Variants in FGF5 observed in about 807,000 individuals in gnomAD.
The protein encoded by FGF5 is fibroblast growth factor 5.
Under a neutral mutation model 21.8 loss-of-function variants are expected in FGF5, and 23 were observed. That is an observed-to-expected ratio of 1.05 (90% CI 0.76 to 1.49). FGF5 has a LOEUF of 1.49. FGF5 is among the 40% of genes most tolerant of loss of function. The probability of loss-of-function intolerance (pLI) is 0.00; values close to 1 mark genes in which losing one functional copy is unlikely to be tolerated. For synonymous variants in FGF5, 158 were observed against 124.0 expected (o/e 1.27, Z -1.82); for missense variants, 352 against 332.9 (o/e 1.06, Z -0.45).
intron 2 of FGF5, among the ~76,000 whole-genome samples, chr4:80,276,980 T>C (rs1720431430): frequency 6.6e-6 from 1 of 152,060 alleles, no homozygotes; most frequent in Non-Finnish European, 1.5e-5. Context: ...ATTTATGCCA[T>C]AGTACATGCA....
chr4:80,275,161 G>A (rs1720377000), intron 2 of FGF5, 149 bp downstream of exon 2: 6 of 445,188 alleles, frequency 1.3e-5, no homozygotes, highest in Non-Finnish European at 2.4e-5. Flanking sequence ...AGATAATTTT[G>A]TGCGCTTCCA....
chr4:80,285,876 A>G, intron 2 of FGF5, among the ~76,000 whole-genome samples: 1 of 152,208 alleles, frequency 6.6e-6, no homozygotes, highest in East Asian at 1.9e-4. Context: ...CAAAGGAATA[A>G]TTTTGACCTC....
rs544436296 is a variant in FGF5, at chr4:80,276,618, A to G, written c.459+1606A>G. 2.6e-5 allele frequency among the ~76,000 whole-genome samples: 4 copies of G among 152,036 alleles called. No homozygotes were observed. The South Asian group carries it at 8.3e-4, about 32-fold the overall frequency. ...CACCCCAGTAGTGTACACCGTACCC[A>G]ATGTGTTGTCTTTTACCCCCAGCCC... is the stretch of plus-strand genomic sequence containing the variant. On this transcript the variant is annotated intron_variant, in intron 2 of 2. Coordinates refer to ENST00000312465, the MANE Select transcript of FGF5 (RefSeq NM_004464.4).
intron 1 of FGF5, among the ~76,000 whole-genome samples, chr4:80,271,734 C>T (rs1714480781): frequency 6.6e-6 from 1 of 152,090 alleles, no homozygotes; most frequent in African/African-American, 2.4e-5. Flanking sequence ...AGAAATACTG[C>T]CTTGGCATCC....
chr4:80,279,909 T>C (rs1006519363), intron 2 of FGF5, among the ~76,000 whole-genome samples: 1 of 152,200 alleles, frequency 6.6e-6, no homozygotes, highest in African/African-American at 2.4e-5. Flanking sequence ...GCTTGATCAG[T>C]CCTAAGCAAG....
chr4:80,288,757 C>G lies in FGF5; in HGVS notation c.*2085C>G, dbSNP rs1367617280. ...AATGATGGTCAACAATAAGCCACGT[C>G]AATGCATAAGTTGTATAGGCTAAAT... On this transcript the variant is annotated 3_prime_UTR_variant, in exon 3 of 3. Transcript: ENST00000312465. 1 of 152,504 alleles carries G rather than the reference C, an allele frequency of 6.6e-6. No individual in the cohort carries two copies. The highest frequency in any genetic ancestry group is 1.9e-4 in the East Asian group (1 of 5,190). 9.4% of individuals were successfully genotyped at this position (152,504 alleles called of 1,614,324 possible). A position where few individuals can be genotyped will look rare whatever the true frequency, so the allele number is the denominator to read the frequency against.
chr4:80,270,229 G>C (rs1436675419), intron 1 of FGF5, among the ~76,000 whole-genome samples: 4 of 152,186 alleles, frequency 2.6e-5, no homozygotes, highest in Non-Finnish European at 5.9e-5. Context: ...TTACAACCCT[G>C]ATACTTCAGA....
Position 80,269,788 on chromosome 4 carries a change from G to GC in FGF5, c.355+2609_355+2610insC, listed in dbSNP as rs760495311. ...TTTTGTGTTGTTTGTCTTCCATAGA[G>GC]TTTTTTTTTTTTTCCCCAGAAGAAA... is the stretch of plus-strand genomic sequence containing the variant. On this transcript the variant is annotated intron_variant, in intron 1 of 2. Transcript: ENST00000312465. Among the ~76,000 whole-genome samples the GC allele has an allele frequency of 4.1e-5, 6 of 144,852 alleles. No individual in the cohort carries two copies. The East Asian group carries it at 1.2e-3, about 29-fold the overall frequency.
rs569833462 is a variant in FGF5, at chr4:80,285,744, TAA to T, written c.460-579_460-578del. On this transcript the variant is annotated intron_variant, in intron 2 of 2. Transcript: ENST00000312465. ...GATATACTTTCCTGTAATGCCTGAG[TAA>T]AGATACGTTATTTTTTTCTAAAGAA... Among the ~76,000 whole-genome samples, 882 of 152,286 alleles carry T rather than the reference TAA, an allele frequency of 5.8e-3. 9 individuals are homozygous for T. The highest frequency in any genetic ancestry group is 0.014 in the Middle Eastern group (4 of 294).
Position 80,266,833 on chromosome 4 carries a change from G to A in FGF5, c.9G>A (p.Leu3=), listed in dbSNP as rs1053933833. 17 of 1,589,174 alleles carry A rather than the reference G, an allele frequency of 1.1e-5. No homozygotes were observed. The highest frequency in any genetic ancestry group is 1.8e-5 in the Admixed American group (1 of 56,820). MS[L]SFLLLLFFSH... ...CCCCCGCGGCTGGAAGAATGAGCTT[G>A]TCCTTCCTCCTCCTCCTCTTCTTCA... is the stretch of plus-strand genomic sequence containing the variant. The change falls in exon 1 of 3, where the codon TTG becomes TTA. Residue 3 remains leucine (L), a synonymous_variant. Transcript: ENST00000312465.
At position 80,268,583 on chromosome 4, in the gene FGF5, T is replaced by C. The variant is rs928558822; in HGVS notation, c.355+1404T>C. The C allele has an allele frequency of 4.2e-6, 4 of 946,406 alleles. No homozygotes were observed. In the African/African-American group the frequency reaches 5.3e-5, roughly 13 times the overall value. The allele number at this position is 946,406 out of a possible 1,614,324, so 58.6% of individuals were successfully genotyped here. ...CGCGCAAGTGGGTAAGGCGGTAGGC[T>C]GGCTAGCCTCCTCCGGTGGGTTAAG... On this transcript the variant is annotated intron_variant, in intron 1 of 2. Transcript: ENST00000312465.
chr4:80,278,094 T>C (rs927457603), intron 2 of FGF5, among the ~76,000 whole-genome samples: 1 of 152,162 alleles, frequency 6.6e-6, no homozygotes, highest in Non-Finnish European at 1.5e-5. Flanking sequence ...AATGCTATAG[T>C]GCTTGGTAGA....
chr4:80,288,156 T>C lies in FGF5; in HGVS notation c.*1484T>C, dbSNP rs961735051. 6.6e-6 allele frequency: 1 copy of C among 152,184 alleles called. No individual in the cohort carries two copies. The highest frequency in any genetic ancestry group is 1.5e-5 in the Non-Finnish European group (1 of 68,010). 9.4% of individuals were successfully genotyped at this position (152,184 alleles called of 1,614,324 possible). ...AACAAAAGGGTTCATAGAAACTTCA[T>C]GGTTTGCATTTAAACATGTTTAAAG... On this transcript the variant is annotated 3_prime_UTR_variant, in exon 3 of 3. Coordinates refer to ENST00000312465, the MANE Select transcript of FGF5 (RefSeq NM_004464.4).
intron 2 of FGF5, among the ~76,000 whole-genome samples, chr4:80,281,365 G>A (rs1366614429): frequency 6.6e-6 from 1 of 152,060 alleles, no homozygotes; most frequent in African/African-American, 2.4e-5. Context: ...GCAAAATTTG[G>A]TCTATAGTTG....
At chr4:80,273,477 A>T (rs2109920209) in intron 1 of FGF5, among the ~76,000 whole-genome samples, 1 of 152,300 alleles carries the variant, frequency 6.6e-6, no homozygotes, top group Admixed American at 6.5e-5. Flanking sequence ...AGTTACTCAC[A>T]TATATTTATA....
chr4:80,289,695 G>A lies in FGF5; in HGVS notation c.*3023G>A, dbSNP rs1042615447. 35 of 152,046 alleles carry A rather than the reference G, an allele frequency of 2.3e-4. No individual in the cohort carries two copies. The highest frequency in any genetic ancestry group is 7.5e-4 in the African/African-American group (31 of 41,402). 9.4% of individuals were successfully genotyped at this position (152,046 alleles called of 1,614,324 possible). Reference sequence around the variant, plus strand: ...TAACACTGTGATTTATCTTTCAAGAGTCTCTCTTCACTTCCTTCTAAAGAG... The same window carrying A: ...TAACACTGTGATTTATCTTTCAAGAATCTCTCTTCACTTCCTTCTAAAGAG... On this transcript the variant is annotated 3_prime_UTR_variant, in exon 3 of 3. Transcript: ENST00000312465.
At chr4:80,282,505 TA>T (rs1181480684) in intron 2 of FGF5, among the ~76,000 whole-genome samples, 1 of 152,204 alleles carries the variant, frequency 6.6e-6, no homozygotes, top group Non-Finnish European at 1.5e-5. Flanking sequence ...TAATGTAATT[TA>T]AGTCAACAAA....
intron 2 of FGF5, among the ~76,000 whole-genome samples, chr4:80,280,775 T>C (rs1423286123): frequency 6.6e-6 from 1 of 152,134 alleles, no homozygotes; most frequent in African/African-American, 2.4e-5. Flanking sequence ...AGTCATGCTA[T>C]ACCATGTTTT....
At chr4:80,268,968 G>A (rs566121980) in intron 1 of FGF5, among the ~76,000 whole-genome samples, 6 of 152,324 alleles carry the variant, frequency 3.9e-5, no homozygotes, top group African/African-American at 1.4e-4. Context: ...TTCTCATTTT[G>A]TCTCAACGGT....
Sources: gnomAD v4.1 joint callset for allele counts (sites outside exome capture counted in the v4.1 genomes callset) on GRCh38, gnomAD v4.1.1 for gene constraint, MANE v1.5 for transcripts, NCBI Gene and HGNC (gene_info 2026-07-23, HGNC 2026-07-21) for gene names.